The following CETP variants were observed in gnomAD, a reference collection of about 807,000 sequenced individuals.
The protein encoded by CETP is cholesteryl ester transfer protein, also known as BPI fold containing family F.
CETP carries 56 observed loss-of-function variants against 66.5 expected under a neutral mutation model. That is an observed-to-expected ratio of 0.84 (90% CI 0.68 to 1.05). The LOEUF (loss-of-function observed/expected upper bound fraction) is 1.05. Ranked by LOEUF, CETP falls within the 50% of genes least tolerant of loss-of-function variation. CETP has a pLI of 0.00. For synonymous variants in CETP, 251 were observed against 245.7 expected (o/e 1.02, Z -0.20); for missense variants, 612 against 609.6 (o/e 1.00, Z -0.04).
chr16:56,962,465 T>A, intron 1 of CETP: 1 of 489,046 alleles, frequency 2.0e-6, no homozygotes, highest in South Asian at 1.6e-5. Context: ...TGGGGGTCAC[T>A]CTATGGCCAA....
At chr16:56,973,806 C>G (rs12720931) in intron 9 of CETP, among the ~76,000 whole-genome samples, 1 of 152,198 alleles carries the variant, frequency 6.6e-6, no homozygotes, top group Admixed American at 6.5e-5. Flanking sequence ...GTCTCAAGAG[C>G]GGAGCTCTCC....
chr16:56,967,977 TA>T (rs11347120), intron 2 of CETP, among the ~76,000 whole-genome samples: 141,076 of 147,396 alleles, frequency 0.96, 67,595 homozygotes, highest in Non-Finnish European at 0.99. Flanking sequence ...AAGAACAAAC[TA>T]AAAAAAAAAA....
intron 13 of CETP, among the ~76,000 whole-genome samples, chr16:56,981,928 G>T (rs906164168): frequency 6.6e-6 from 1 of 152,106 alleles, no homozygotes; most frequent in Non-Finnish European, 1.5e-5. Flanking sequence ...GCCAAGCAGC[G>T]CCTCCCTGGA....
At chr16:56,967,900 A>C (rs1250710655) in intron 2 of CETP, among the ~76,000 whole-genome samples, 1 of 151,886 alleles carries the variant, frequency 6.6e-6, no homozygotes, top group Non-Finnish European at 1.5e-5. Context: ...TCGAGGCTGC[A>C]GTGAACTGTG....
rs138670739 is a variant in CETP at position 56,971,324 on chromosome 16, T to G, written c.601T>G (p.Cys201Gly). The change falls in exon 7 of 16, where the codon TGC becomes GGC. Residue 201 changes from cysteine (C) to glycine (G), a missense_variant. Transcript: ENST00000200676. ...TLKLVLKGQICKEINVISNIM... is the reference protein window; with the variant it reads ...TLKLVLKGQIGKEINVISNIM... ...GCACCTGCTCTGTCTGCCCCAGATC[T>G]GCAAAGAGATCAACGTCATCTCTAA... 1 of 1,614,058 alleles carries G rather than the reference T, an allele frequency of 6.2e-7. No homozygotes were observed. Among genetic ancestry groups the G allele is most frequent in the East Asian group, 2.2e-5 (1 of 44,888 alleles).
Position 56,971,976 on chromosome 16 carries a change from T to G in CETP, c.659-16T>G. ...CCCCCATCCTGAGGCCCTGCGTTGA[T>G]CTTTTCCTCCTGCAGCCAGCATCCT... is the stretch of plus-strand genomic sequence containing the variant. On this transcript the variant is annotated splice_polypyrimidine_tract_variant and intron_variant, in intron 7 of 15. Coordinates refer to ENST00000200676, the MANE Select transcript of CETP (RefSeq NM_000078.3). 1 of 1,612,472 alleles carries G rather than the reference T, an allele frequency of 6.2e-7. No individual in the cohort carries two copies. The highest frequency in any genetic ancestry group is 8.5e-7 in the Non-Finnish European group (1 of 1,178,510).
At chr16:56,976,945 G>A (rs1328939217) in intron 10 of CETP, among the ~76,000 whole-genome samples, 1 of 151,928 alleles carries the variant, frequency 6.6e-6, no homozygotes, top group African/African-American at 2.4e-5. Context: ...TCTCGCTCTT[G>A]TTCCCCAGGC....
chr16:56,965,949 G>T (rs2056063055), intron 2 of CETP, among the ~76,000 whole-genome samples: 1 of 152,038 alleles, frequency 6.6e-6, no homozygotes, highest in Non-Finnish European at 1.5e-5. Context: ...CTCCACCTCT[G>T]CCCCCGGGGC....
At chr16:56,971,870 TC>T in intron 7 of CETP, 121 bp from the exon 8 acceptor site, 1 of 855,544 alleles carries the variant, frequency 1.2e-6, no homozygotes, top group South Asian at 1.3e-5. Flanking sequence ...CACACCCAGG[TC>T]CCACTTTACA....
intron 14 of CETP, among the ~76,000 whole-genome samples, chr16:56,982,776 G>A (rs2056198370): frequency 6.6e-6 from 1 of 152,204 alleles, no homozygotes; most frequent in Admixed American, 6.5e-5. Flanking sequence ...CACAGAGTAT[G>A]TTGAGCTGAC....
Position 56,971,987 on chromosome 16 carries a change from T to A in CETP, c.659-5T>A, listed in dbSNP as rs1194537032. ...AGGCCCTGCGTTGATCTTTTCCTCC[T>A]GCAGCCAGCATCCTTTCAGATGGAG... is the stretch of plus-strand genomic sequence containing the variant. On this transcript the variant is annotated splice_region_variant and splice_polypyrimidine_tract_variant and intron_variant, in intron 7 of 15. Transcript: ENST00000200676. 6.2e-7 allele frequency: 1 copy of A among 1,613,836 alleles called. No individual in the cohort carries two copies. The highest frequency in any genetic ancestry group is 8.5e-7 in the Non-Finnish European group (1 of 1,179,848).
intron 2 of CETP, 146 bp downstream of exon 2, chr16:56,963,270 TC>T: frequency 1.5e-6 from 1 of 689,258 alleles, no homozygotes; most frequent in Non-Finnish European, 2.6e-6. Flanking sequence ...CCTGACACCT[TC>T]CCTACCCCCA....
At chr16:56,967,430 G>C (rs2056075516) in intron 2 of CETP, among the ~76,000 whole-genome samples, 1 of 148,088 alleles carries the variant, frequency 6.8e-6, no homozygotes, top group Non-Finnish European at 1.5e-5. Context: ...CTGAGGTGGG[G>C]GAATCACCTG....
At chr16:56,972,665 C>G (rs1463953595) in intron 8 of CETP, among the ~76,000 whole-genome samples, 1 of 152,178 alleles carries the variant, frequency 6.6e-6, no homozygotes, top group Non-Finnish European at 1.5e-5. Flanking sequence ...GCTCACAGCC[C>G]GTTGGCCTGA....
chr16:56,974,923 G>A (rs192044028), intron 9 of CETP, among the ~76,000 whole-genome samples, 178 bp from the exon 10 acceptor site: 25 of 152,322 alleles, frequency 1.6e-4, no homozygotes, highest in Admixed American at 1.3e-4. Context: ...GCCTCCAGCC[G>A]GGACAGGGGT....
At chr16:56,974,117 G>T (rs576078808) in intron 9 of CETP, among the ~76,000 whole-genome samples, 1 of 152,234 alleles carries the variant, frequency 6.6e-6, no homozygotes, top group East Asian at 1.9e-4. Context: ...TAGGCGTTGG[G>T]CTACCTGCCT....
intron 5 of CETP, 52 bp downstream of exon 5, chr16:56,970,053 T>C (rs2141997607): frequency 1.9e-6 from 3 of 1,557,058 alleles, no homozygotes; most frequent in Non-Finnish European, 2.6e-6. Context: ...ATCCTGTTAG[T>C]GTGTCCACGG....
At chr16:56,982,042 G>C in intron 13 of CETP, 123 bp from the exon 14 acceptor site, 2 of 930,760 alleles carry the variant, frequency 2.1e-6, no homozygotes, top group Non-Finnish European at 3.5e-6. Flanking sequence ...AAACGGAGTG[G>C]GTTGGATGTA....
Position 56,981,646 on chromosome 16 carries a change from GGA to G in CETP, c.1215_1216del (p.Gln405HisfsTer11), listed in dbSNP as rs2056189092. The G allele has an allele frequency of 1.9e-6, 3 of 1,613,786 alleles. No individual in the cohort carries two copies. Among genetic ancestry groups the G allele is most frequent in the Non-Finnish European group, 2.5e-6 (3 of 1,179,796 alleles). ...AAATTATCATCGCTTTTTTATTTCA[GGA>G]TTACACCAAAGACTGTTTCCAACTT... On this transcript the variant is annotated frameshift_variant and splice_region_variant, in exon 13 of 16. Transcript: ENST00000200676. LOFTEE classifies it high-confidence loss of function.
Sources: gnomAD v4.1 joint callset for allele counts (sites outside exome capture counted in the v4.1 genomes callset) on GRCh38, gnomAD v4.1.1 for gene constraint, MANE v1.5 for transcripts, NCBI Gene and HGNC (gene_info 2026-07-23, HGNC 2026-07-21) for gene names.